Variants in CDCA7L observed in about 807,000 individuals in gnomAD.
CDCA7L encodes the protein cell division cycle-associated 7-like protein.
In CDCA7L, 44 loss-of-function variants were observed where a neutral mutation model predicts 57.4. That is an observed-to-expected ratio of 0.77 (90% CI 0.60 to 0.98). The LOEUF is 0.98. Among genes scored for constraint, CDCA7L ranks in the 50% least tolerant of loss-of-function variants. The pLI is 0.00. For missense variants in CDCA7L, 644 were observed against 580.6 expected, an observed-to-expected ratio of 1.11 and a Z score of -1.12; for synonymous variants, 236 against 202.8, an observed-to-expected ratio of 1.16 and a Z score of -1.39.
rs1177118679 is a variant in CDCA7L, at chr7:21,902,295, A to C, written c.*27T>G. On this transcript the variant is annotated 3_prime_UTR_variant, in exon 10 of 10. Transcript: ENST00000406877. ...TGTCTTGTTGGAGTACTCTATGGTGAGGTGGCTGGTTCTGTTTGTTTTCCT... is the reference window on the plus strand; with the variant it reads ...TGTCTTGTTGGAGTACTCTATGGTGCGGTGGCTGGTTCTGTTTGTTTTCCT... The C allele has an allele frequency of 6.2e-7, 1 of 1,605,700 alleles. No homozygotes were observed. The highest frequency in any genetic ancestry group is 8.5e-7 in the Non-Finnish European group (1 of 1,172,272).
Position 21,908,186 on chromosome 7 carries a change from C to G in CDCA7L, c.625G>C (p.Glu209Gln). The G allele has an allele frequency of 6.2e-7, 1 of 1,606,282 alleles. No individual in the cohort carries two copies. The highest frequency in any genetic ancestry group is 8.5e-7 in the Non-Finnish European group (1 of 1,178,190). The change falls in exon 4 of 10, where the codon GAG (glutamate) becomes CAG (glutamine). Residue 209 changes from glutamate to glutamine, a missense_variant. Transcript: ENST00000406877. ...CTTTTCAGCAAAGCATCTGAACTCT[C>G]CTGGCTCTCATCCCGAGAGTCATCC... Reference protein sequence around the residue: ...SEDDSRDESQESSDALLKRTM... With the variant: ...SEDDSRDESQQSSDALLKRTM...
chr7:21,945,637 C>G, intron 1 of CDCA7L, 144 bp downstream of exon 1: 1 of 1,014,242 alleles, frequency 9.9e-7, no homozygotes, highest in Non-Finnish European at 1.5e-6. Flanking sequence ...CGCGCCCACT[C>G]CGGCACTCAA....
intron 3 of CDCA7L, 35 bp from the exon 4 acceptor site, chr7:21,908,542 A>C: frequency 7.0e-7 from 1 of 1,436,152 alleles, no homozygotes; most frequent in Non-Finnish European, 9.1e-7. Flanking sequence ...GCACAAAGAC[A>C]CTGTTACAGA....
At chr7:21,907,078 C>A (rs992110402) in intron 4 of CDCA7L, among the ~76,000 whole-genome samples, 12 of 152,168 alleles carry the variant, frequency 7.9e-5, no homozygotes. Flanking sequence ...AAGTCTGATT[C>A]TTTAAATAGA....
At chr7:21,917,120 A>T (rs1048454813) in intron 1 of CDCA7L, among the ~76,000 whole-genome samples, 1 of 152,136 alleles carries the variant, frequency 6.6e-6, no homozygotes, top group African/African-American at 2.4e-5. Flanking sequence ...TATACACCCT[A>T]TTTTACAGAG....
At chr7:21,939,671 G>C (rs1389740937) in intron 1 of CDCA7L, among the ~76,000 whole-genome samples, 1 of 152,144 alleles carries the variant, frequency 6.6e-6, no homozygotes, top group African/African-American at 2.4e-5. Context: ...CTGACGTTTT[G>C]GACAGAACAA....
intron 4 of CDCA7L, 58 bp from the exon 5 acceptor site, chr7:21,906,697 T>C: frequency 6.6e-7 from 1 of 1,511,932 alleles, no homozygotes; most frequent in African/African-American, 1.4e-5. Flanking sequence ...GTTTAGGTCA[T>C]CCAACACCTA....
In CDCA7L at chr7:21,901,568, C is replaced by CAA. The variant is rs879666623; in HGVS notation, c.*752_*753dup. 8.2e-5 allele frequency: 13 copies of CAA among 159,354 alleles called. No homozygotes were observed. The highest frequency in any genetic ancestry group is 1.5e-4 in the Non-Finnish European group (12 of 77,748). 9.9% of individuals were successfully genotyped at this position (159,354 alleles called of 1,614,324 possible). ...TGGGCAACAGAACAAGACTCCATCTCAAAAAAAAAAAAGTACATCATAAAA... is the reference window on the plus strand; with the variant it reads ...TGGGCAACAGAACAAGACTCCATCTCAAAAAAAAAAAAAAGTACATCATAAAA... On this transcript the variant is annotated 3_prime_UTR_variant, in exon 10 of 10. Transcript: ENST00000406877.
intron 1 of CDCA7L, among the ~76,000 whole-genome samples, chr7:21,940,047 G>C (rs1306233156): frequency 3.3e-5 from 5 of 150,124 alleles, no homozygotes; most frequent in African/African-American, 1.2e-4. Flanking sequence ...ATTCCACACT[G>C]TCCTCACACC....
chr7:21,914,502 G>A (rs1444785134), intron 2 of CDCA7L, among the ~76,000 whole-genome samples: 1 of 152,186 alleles, frequency 6.6e-6, no homozygotes, highest in Admixed American at 6.5e-5. Context: ...ATAACTGGAT[G>A]TGAGCCACGG....
chr7:21,944,486 G>A (rs1248579597), intron 1 of CDCA7L, among the ~76,000 whole-genome samples: 2 of 126,396 alleles, frequency 1.6e-5, no homozygotes, highest in African/African-American at 6.5e-5. Flanking sequence ...GCTAATACAC[G>A]GTAAAAGCCA....
intron 1 of CDCA7L, among the ~76,000 whole-genome samples, chr7:21,934,739 G>C (rs762710473): frequency 2.0e-5 from 3 of 152,012 alleles, no homozygotes; most frequent in Non-Finnish European, 2.9e-5. Flanking sequence ...AAAGATACTC[G>C]ATGCAAATAA....
intron 7 of CDCA7L, 65 bp from the exon 8 acceptor site, chr7:21,904,324 C>A: frequency 7.0e-7 from 1 of 1,428,594 alleles, no homozygotes; most frequent in Non-Finnish European, 9.4e-7. Context: ...AGGCCAGATG[C>A]CACCATGTGC....
At chr7:21,936,227 T>A (rs1786158806) in intron 1 of CDCA7L, among the ~76,000 whole-genome samples, 1 of 152,182 alleles carries the variant, frequency 6.6e-6, no homozygotes, top group African/African-American at 2.4e-5. Flanking sequence ...ACAAGATGGC[T>A]TCATGGGTAA....
In CDCA7L at chr7:21,908,382, T is replaced by G. The variant is rs747763741; in HGVS notation, c.429A>C (p.Arg143=). The G allele has an allele frequency of 1.2e-6, 2 of 1,610,298 alleles. No individual in the cohort carries two copies. The highest frequency in any genetic ancestry group is 1.7e-6 in the Non-Finnish European group (2 of 1,179,014). Residue 143 remains arginine, a synonymous_variant, in exon 4 of 10, where the codon CGA becomes CGC. Coordinates refer to ENST00000406877, the MANE Select transcript of CDCA7L (RefSeq NM_018719.5). ...TCTTGGTGGGGAACTGAAAGGCTAC[T>G]CGAAGACCAATACTACTTCTTCTAG... ...SRSRRSSIGL[R]VAFQFPTKKL... is the part of the protein sequence containing the mutation.
At chr7:21,917,741 A>C (rs1785528158) in intron 1 of CDCA7L, among the ~76,000 whole-genome samples, 1 of 152,210 alleles carries the variant, frequency 6.6e-6, no homozygotes. Context: ...ATTTAATATG[A>C]GCCAACCTAA....
chr7:21,915,658 A>C (rs13311158), intron 2 of CDCA7L, among the ~76,000 whole-genome samples: 25,199 of 73,686 alleles, frequency 0.34, 4,945 homozygotes, highest in East Asian at 0.48. Context: ...AAAAAAAAAA[A>C]ACACACACAC....
intron 3 of CDCA7L, among the ~76,000 whole-genome samples, chr7:21,910,751 C>G (rs1161950264): frequency 6.6e-6 from 1 of 152,196 alleles, no homozygotes; most frequent in Non-Finnish European, 1.5e-5. Context: ...ACTAACAAGT[C>G]TGTTCATAGG....
chr7:21,917,857 G>A (rs895001355), intron 1 of CDCA7L, among the ~76,000 whole-genome samples: 12 of 98,796 alleles, frequency 1.2e-4, no homozygotes, highest in African/African-American at 6.0e-4. Context: ...TTCTCCCATA[G>A]AACCACAAAA....
Sources: gnomAD v4.1 joint callset for allele counts (sites outside exome capture counted in the v4.1 genomes callset) on GRCh38, gnomAD v4.1.1 for gene constraint, MANE v1.5 for transcripts, NCBI Gene and HGNC (gene_info 2026-07-23, HGNC 2026-07-21) for gene names.